UNC5C: variants seen among roughly 807,000 people sequenced by gnomAD.
UNC5C encodes the protein unc-5 netrin receptor C.
Under a neutral mutation model 99.8 loss-of-function variants are expected in UNC5C, and 47 were observed. The ratio of observed to expected loss-of-function variants is 0.47; its 90% CI spans 0.37 to 0.60. UNC5C has a LOEUF of 0.60. Among genes scored for constraint, UNC5C ranks in the 20% least tolerant of loss-of-function variants. The probability of loss-of-function intolerance (pLI) is 0.00; values close to 1 mark genes in which losing one functional copy is unlikely to be tolerated. For synonymous variants in UNC5C, 487 were observed against 452.2 expected (o/e 1.08, Z -0.98); for missense variants, 1,062 against 1,165.9 (o/e 0.91, Z 1.30).
At chr4:95,251,035 C>A (rs114086020) in intron 4 of UNC5C, among the ~76,000 whole-genome samples, 6 of 152,170 alleles carry the variant, frequency 3.9e-5, no homozygotes, top group African/African-American at 1.4e-4. Flanking sequence ...ATAGGATAAG[C>A]GTTTCAAACT....
intron 1 of UNC5C, among the ~76,000 whole-genome samples, chr4:95,353,797 G>A (rs1744071892): frequency 6.6e-6 from 1 of 151,798 alleles, no homozygotes; most frequent in Non-Finnish European, 1.5e-5. Context: ...AAGACCATAT[G>A]GTTTAAAGTA....
chr4:95,172,210 G>GT (rs1265866714), intron 14 of UNC5C, among the ~76,000 whole-genome samples: 2 of 151,492 alleles, frequency 1.3e-5, no homozygotes, highest in Admixed American at 6.6e-5. Context: ...TCTGATGGTA[G>GT]TTTCTTTTGC....
chr4:95,360,891 T>C (rs2149434612), intron 1 of UNC5C, among the ~76,000 whole-genome samples: 1 of 152,336 alleles, frequency 6.6e-6, no homozygotes, highest in East Asian at 1.9e-4. Context: ...TTTTCTCATG[T>C]TAAGGAGGCA....
At chr4:95,354,506 G>T (rs558150102) in intron 1 of UNC5C, among the ~76,000 whole-genome samples, 60 of 60,436 alleles carry the variant, frequency 9.9e-4, no homozygotes, top group African/African-American at 6.0e-3. Flanking sequence ...AAGAGACAGG[G>T]TCTTGTCCTG....
At chr4:95,463,484 C>A (rs1199758741) in intron 1 of UNC5C, among the ~76,000 whole-genome samples, 1 of 151,610 alleles carries the variant, frequency 6.6e-6, no homozygotes, top group African/African-American at 2.4e-5. Flanking sequence ...TGAACCCATC[C>A]TAATGGAAAG....
intron 3 of UNC5C, among the ~76,000 whole-genome samples, chr4:95,286,859 A>C (rs1472398433): frequency 6.6e-6 from 1 of 152,136 alleles, no homozygotes; most frequent in Non-Finnish European, 1.5e-5. Context: ...GGTAATATGG[A>C]GTTTTATGAG....
chr4:95,487,811 C>G (rs1721368676), intron 1 of UNC5C, among the ~76,000 whole-genome samples: 2 of 151,730 alleles, frequency 1.3e-5, no homozygotes, highest in Non-Finnish European at 3.0e-5. Context: ...AGCAGCAAGT[C>G]AAACTATAGC....
chr4:95,493,398 G>C (rs1721552341), intron 1 of UNC5C, among the ~76,000 whole-genome samples: 1 of 151,384 alleles, frequency 6.6e-6, no homozygotes, highest in South Asian at 2.1e-4. Flanking sequence ...AATATGGTCA[G>C]GAACAGACTT....
At chr4:95,197,321 A>G (rs1001214286) in intron 12 of UNC5C, among the ~76,000 whole-genome samples, 1 of 151,862 alleles carries the variant, frequency 6.6e-6, no homozygotes, top group East Asian at 1.9e-4. Context: ...TCTCTGCCCT[A>G]GTCCAGCATT....
At chr4:95,316,678 T>G (rs1742488559) in intron 2 of UNC5C, among the ~76,000 whole-genome samples, 1 of 152,188 alleles carries the variant, frequency 6.6e-6, no homozygotes, top group Admixed American at 6.5e-5. Flanking sequence ...ACAATCCCTT[T>G]TAGCTTGTAT....
chr4:95,219,963 G>A lies in UNC5C; in HGVS notation c.1300+22C>T, dbSNP rs566695295. 1.2e-5 allele frequency: 19 copies of A among 1,607,670 alleles called. No individual in the cohort carries two copies. The South Asian group carries it at 2.0e-4, about 17-fold the overall frequency. ...TGCTTACATGCATAAGTAACAGGGTGTGAAGTGGAATGTCAACTGACCTTG... is the reference window on the plus strand; with the variant it reads ...TGCTTACATGCATAAGTAACAGGGTATGAAGTGGAATGTCAACTGACCTTG... On this transcript the variant is annotated intron_variant, in intron 8 of 15. Coordinates refer to ENST00000453304, the MANE Select transcript of UNC5C (RefSeq NM_003728.4).
chr4:95,522,415 C>A (rs1318658560), intron 1 of UNC5C, among the ~76,000 whole-genome samples: 4 of 151,880 alleles, frequency 2.6e-5, no homozygotes, highest in Non-Finnish European at 5.9e-5. Flanking sequence ...AAAGCATACA[C>A]AGGTGTGCAT....
At chr4:95,196,303 A>C (rs1737380575) in intron 12 of UNC5C, among the ~76,000 whole-genome samples, 1 of 152,170 alleles carries the variant, frequency 6.6e-6, no homozygotes, top group Non-Finnish European at 1.5e-5. Flanking sequence ...TACCAAACTC[A>C]ACCTTTTCAA....
At chr4:95,185,231 T>A in intron 12 of UNC5C, 35 bp from the exon 13 acceptor site, 2 of 1,571,976 alleles carry the variant, frequency 1.3e-6, no homozygotes, top group Non-Finnish European at 1.7e-6. Flanking sequence ...AAGCACGTTA[T>A]TGATTTGGAT....
intron 1 of UNC5C, among the ~76,000 whole-genome samples, chr4:95,418,095 T>C (rs1277562553): frequency 2.0e-5 from 3 of 152,152 alleles, no homozygotes; most frequent in African/African-American, 7.2e-5. Flanking sequence ...AAAAAGTCAT[T>C]GGGGAACTGT....
intron 4 of UNC5C, among the ~76,000 whole-genome samples, chr4:95,264,346 C>T (rs945646262): frequency 1.3e-5 from 2 of 152,306 alleles, no homozygotes; most frequent in East Asian, 3.9e-4. Context: ...AATTCACTCA[C>T]TGGTAACTTT....
At chr4:95,488,573 T>C (rs1371397012) in intron 1 of UNC5C, among the ~76,000 whole-genome samples, 1 of 151,628 alleles carries the variant, frequency 6.6e-6, no homozygotes, top group African/African-American at 2.4e-5. Flanking sequence ...TAAGAACCAA[T>C]ACTCTATTAT....
intron 1 of UNC5C, among the ~76,000 whole-genome samples, chr4:95,433,011 G>A (rs1578160648): frequency 6.6e-6 from 1 of 152,140 alleles, no homozygotes. Flanking sequence ...TGTCAGTTAC[G>A]TCAACCACAA....
At chr4:95,428,842 A>G (rs572565901) in intron 1 of UNC5C, among the ~76,000 whole-genome samples, 8 of 152,128 alleles carry the variant, frequency 5.3e-5, no homozygotes, top group African/African-American at 1.9e-4. Context: ...CAGCAATTCT[A>G]TTTTCCCACA....
Sources: gnomAD v4.1 joint callset for allele counts (sites outside exome capture counted in the v4.1 genomes callset) on GRCh38, gnomAD v4.1.1 for gene constraint, MANE v1.5 for transcripts, NCBI Gene and HGNC (gene_info 2026-07-23, HGNC 2026-07-21) for gene names.